RANBP17: variants seen among roughly 807,000 people sequenced by gnomAD.
RANBP17 encodes the protein RAN binding protein 17.
RANBP17 carries 158 observed loss-of-function variants against 141.2 expected under a neutral mutation model. That is an observed-to-expected ratio of 1.12 (90% CI 0.98 to 1.28). RANBP17 has a LOEUF of 1.28. RANBP17 is among the 50% of genes most tolerant of loss of function. The pLI, the probability that RANBP17 is intolerant of heterozygous loss-of-function variation, is 0.00. For synonymous variants in RANBP17, 430 were observed against 450.0 expected (o/e 0.96, Z 0.56); for missense variants, 1,438 against 1,290.7 (o/e 1.11, Z -1.75).
At chr5:170,924,328 T>C in intron 11 of RANBP17, 29 bp from the exon 12 acceptor site, 1 of 1,462,418 alleles carries the variant, frequency 6.8e-7, no homozygotes, top group Non-Finnish European at 9.4e-7. Flanking sequence ...CATTCTAATG[T>C]TGTCTGCAAA....
intron 14 of RANBP17, among the ~76,000 whole-genome samples, chr5:171,034,729 T>C (rs1245905498): frequency 2.0e-5 from 3 of 152,226 alleles, no homozygotes; most frequent in African/African-American, 7.2e-5. Context: ...GAAATGTGCA[T>C]ATTAAATCTT....
intron 14 of RANBP17, among the ~76,000 whole-genome samples, chr5:171,072,331 A>G (rs142821079): frequency 6.6e-5 from 10 of 152,234 alleles, no homozygotes; most frequent in Non-Finnish European, 1.2e-4. Flanking sequence ...ATGTCTGACA[A>G]ATTTCTAACA....
At chr5:171,054,570 A>G (rs897856870) in intron 14 of RANBP17, among the ~76,000 whole-genome samples, 8 of 152,124 alleles carry the variant, frequency 5.3e-5, no homozygotes, top group East Asian at 1.9e-4. Flanking sequence ...TTTTATCACC[A>G]TCTTGGTTTT....
chr5:170,887,715 A>C (rs993968061), intron 3 of RANBP17, among the ~76,000 whole-genome samples: 1 of 152,108 alleles, frequency 6.6e-6, no homozygotes, highest in Non-Finnish European at 1.5e-5. Context: ...GAGACTGGGT[A>C]ATTTATCAAA....
At chr5:171,026,138 G>A (rs1377403127) in intron 14 of RANBP17, among the ~76,000 whole-genome samples, 1 of 152,082 alleles carries the variant, frequency 6.6e-6, no homozygotes, top group Non-Finnish European at 1.5e-5. Context: ...TCTTTGGGAG[G>A]CTTTTAAATT....
intron 25 of RANBP17, among the ~76,000 whole-genome samples, chr5:171,272,711 A>G (rs985823604): frequency 2.0e-5 from 3 of 152,218 alleles, no homozygotes; most frequent in Non-Finnish European, 4.4e-5. Context: ...AGCTTCCAGT[A>G]AGTCCCACTG....
chr5:171,259,968 G>A (rs1038929864), intron 24 of RANBP17, among the ~76,000 whole-genome samples: 4 of 151,234 alleles, frequency 2.6e-5, no homozygotes, highest in Admixed American at 1.3e-4. Context: ...GCAACAGAGC[G>A]AGACTGTCTC....
At chr5:171,031,119 A>G (rs1562004869) in intron 14 of RANBP17, among the ~76,000 whole-genome samples, 1 of 152,004 alleles carries the variant, frequency 6.6e-6, no homozygotes, top group African/African-American at 2.4e-5. Context: ...TTAGTCTTTA[A>G]AACATTAGAG....
At chr5:171,052,448 A>T (rs994473257) in intron 14 of RANBP17, among the ~76,000 whole-genome samples, 8 of 152,186 alleles carry the variant, frequency 5.3e-5, no homozygotes, top group African/African-American at 1.7e-4. Context: ...GTGGTCATCC[A>T]GTTGTCCCAG....
chr5:170,867,723 A>T (rs1286252311), intron 1 of RANBP17, among the ~76,000 whole-genome samples: 1 of 152,248 alleles, frequency 6.6e-6, no homozygotes, highest in East Asian at 1.9e-4. Flanking sequence ...CTGAAACAAA[A>T]ACATTTATTC....
chr5:171,295,082 T>C (rs1482629139), intron 26 of RANBP17, among the ~76,000 whole-genome samples: 5 of 152,234 alleles, frequency 3.3e-5, no homozygotes, highest in African/African-American at 4.8e-5. Flanking sequence ...TGTTTTTTGA[T>C]GTAAGCTGTT....
intron 14 of RANBP17, among the ~76,000 whole-genome samples, chr5:171,050,385 T>C (rs1173826642): frequency 6.6e-6 from 1 of 152,220 alleles, no homozygotes; most frequent in Non-Finnish European, 1.5e-5. Context: ...TATAACATAT[T>C]ACATACATTG....
intron 22 of RANBP17, among the ~76,000 whole-genome samples, chr5:171,223,714 A>T (rs866812788): frequency 6.6e-5 from 10 of 152,180 alleles, no homozygotes; most frequent in East Asian, 1.9e-4. Context: ...CCTTTAAAAA[A>T]TTTTCTAAAT....
chr5:171,229,849 T>G (rs1297528851), intron 22 of RANBP17, among the ~76,000 whole-genome samples: 1 of 149,560 alleles, frequency 6.7e-6, no homozygotes, highest in Non-Finnish European at 1.5e-5. Context: ...GTGGGTCACC[T>G]GAGGTTGGGA....
At chr5:171,088,430 A>C (rs1181537416) in intron 14 of RANBP17, among the ~76,000 whole-genome samples, 1 of 151,970 alleles carries the variant, frequency 6.6e-6, no homozygotes, top group African/African-American at 2.4e-5. Context: ...AGGATGTGAC[A>C]ATTATGTGTC....
intron 14 of RANBP17, among the ~76,000 whole-genome samples, chr5:171,088,632 T>G (rs1340034683): frequency 2.0e-5 from 3 of 152,188 alleles, no homozygotes; most frequent in Non-Finnish European, 4.4e-5. Context: ...TTTCACATAG[T>G]CCCATATTTC....
intron 14 of RANBP17, among the ~76,000 whole-genome samples, chr5:171,127,367 C>G (rs1009829889): frequency 6.6e-6 from 1 of 152,074 alleles, no homozygotes; most frequent in Non-Finnish European, 1.5e-5. Flanking sequence ...AGCTAACAAA[C>G]TGAACTGGGA....
intron 14 of RANBP17, among the ~76,000 whole-genome samples, chr5:171,040,252 C>T (rs1782167668): frequency 6.6e-6 from 1 of 152,074 alleles, no homozygotes; most frequent in Non-Finnish European, 1.5e-5. Flanking sequence ...ACCACTTAAA[C>T]AGAATGAAAA....
chr5:171,244,918 G>A (rs1050556765), intron 24 of RANBP17, among the ~76,000 whole-genome samples: 3 of 152,100 alleles, frequency 2.0e-5, no homozygotes, highest in African/African-American at 7.2e-5. Flanking sequence ...GAGGTCAGGA[G>A]ATTGAGACCA....
Sources: allele counts gnomAD v4.1 joint callset (sites outside exome capture counted in the v4.1 genomes callset), GRCh38; gene constraint gnomAD v4.1.1; transcripts MANE v1.5; gene names NCBI Gene and HGNC (gene_info 2026-07-23, HGNC 2026-07-21).